The following ARHGAP42 variants were observed in gnomAD, a reference collection of about 807,000 sequenced individuals.
The protein encoded by ARHGAP42 is Rho GTPase activating protein 42.
Under a neutral mutation model 125.0 loss-of-function variants are expected in ARHGAP42, and 63 were observed. The observed-to-expected ratio is 0.50, with a 90% CI of 0.41 to 0.62. The LOEUF is 0.62. ARHGAP42 is among the 20% of genes least tolerant of loss of function. ARHGAP42 has a pLI of 0.00. For synonymous variants in ARHGAP42, 339 were observed against 351.0 expected, an observed-to-expected ratio of 0.97 and a Z score of 0.38; for missense variants, 766 against 1,024.2, an observed-to-expected ratio of 0.75 and a Z score of 3.44.
intron 3 of ARHGAP42, among the ~76,000 whole-genome samples, chr11:100,856,671 A>C (rs983541858): frequency 2.6e-5 from 4 of 152,114 alleles, no homozygotes; most frequent in African/African-American, 9.7e-5. Flanking sequence ...CCTCTGGATA[A>C]GTTCTGTTAT....
intron 4 of ARHGAP42, among the ~76,000 whole-genome samples, chr11:100,861,151 C>T (rs994546410): frequency 2.6e-5 from 4 of 151,802 alleles, no homozygotes; most frequent in Admixed American, 6.6e-5. Flanking sequence ...TAGAGACCTA[C>T]GTCATGAGGA....
At chr11:100,751,627 G>A (rs1862459984) in intron 1 of ARHGAP42, among the ~76,000 whole-genome samples, 1 of 151,816 alleles carries the variant, frequency 6.6e-6, no homozygotes, top group Non-Finnish European at 1.5e-5. Context: ...GGTAGCAGCT[G>A]GGAAAGCCCT....
chr11:100,787,645 A>G (rs564408151), intron 2 of ARHGAP42, among the ~76,000 whole-genome samples: 1 of 152,304 alleles, frequency 6.6e-6, no homozygotes, highest in Admixed American at 6.5e-5. Context: ...AGATTAAAGT[A>G]TAGCACAGAT....
chr11:100,755,010 G>C (rs1322719392), intron 1 of ARHGAP42, among the ~76,000 whole-genome samples: 1 of 152,226 alleles, frequency 6.6e-6, no homozygotes, highest in Non-Finnish European at 1.5e-5. Context: ...CTAGCTAAGT[G>C]CCTTTAAATA....
At chr11:100,836,725 G>GT (rs1565234966) in intron 3 of ARHGAP42, among the ~76,000 whole-genome samples, 53 of 100,844 alleles carry the variant, frequency 5.3e-4, no homozygotes, top group East Asian at 1.5e-3. Context: ...TTTTGTTGTT[G>GT]TTTTCTTTTT....
In ARHGAP42 at chr11:100,792,752, C is replaced by CT. The variant is rs3063409; in HGVS notation, c.251-2335dup. Among the ~76,000 whole-genome samples, 1,278 of 141,530 alleles carry CT rather than the reference C, an allele frequency of 9.0e-3. 18 individuals carry two copies. Among genetic ancestry groups the CT allele is most frequent in the African/African-American group, 0.022 (817 of 36,782 alleles). 92.8% of individuals were successfully genotyped at this position (141,530 alleles called of 152,430 possible). On this transcript the variant is annotated intron_variant, in intron 2 of 23. Transcript: ENST00000298815. ...GAATTAACAATTGACTTGGAATTTT[C>CT]TTTTTTTTTTTTTTTTTTGAGACCG...
intron 3 of ARHGAP42, among the ~76,000 whole-genome samples, chr11:100,817,087 T>G (rs1864283679): frequency 6.6e-6 from 1 of 152,182 alleles, no homozygotes. Context: ...CGGAATACAA[T>G]TCATTTCCAG....
chr11:100,753,391 C>T (rs1169832187), intron 1 of ARHGAP42, among the ~76,000 whole-genome samples: 2 of 152,160 alleles, frequency 1.3e-5, no homozygotes, highest in Non-Finnish European at 2.9e-5. Flanking sequence ...TCATTCTTTT[C>T]CTTGGAGACA....
intron 19 of ARHGAP42, among the ~76,000 whole-genome samples, chr11:100,974,823 C>G (rs980761677): frequency 2.6e-5 from 4 of 151,928 alleles, no homozygotes. Flanking sequence ...AAAAAGGGCT[C>G]AAGGCCCTTT....
chr11:100,954,810 G>T (rs1857762527), intron 12 of ARHGAP42, among the ~76,000 whole-genome samples: 1 of 152,114 alleles, frequency 6.6e-6, no homozygotes. Flanking sequence ...TCCTTAAGGA[G>T]CAGAGAAAAG....
At chr11:100,950,554 A>T (rs1430592941) in intron 12 of ARHGAP42, among the ~76,000 whole-genome samples, 1 of 151,572 alleles carries the variant, frequency 6.6e-6, no homozygotes, top group Non-Finnish European at 1.5e-5. Flanking sequence ...AGATGTTTTT[A>T]CTGTATTATT....
intron 6 of ARHGAP42, among the ~76,000 whole-genome samples, chr11:100,932,102 A>C (rs1320461553): frequency 2.0e-5 from 3 of 152,198 alleles, no homozygotes; most frequent in African/African-American, 4.8e-5. Context: ...TGTAGGAAGA[A>C]AAGCATGAGG....
At chr11:100,840,973 A>C (rs115913465) in intron 3 of ARHGAP42, among the ~76,000 whole-genome samples, 362 of 152,264 alleles carry the variant, frequency 2.4e-3, no homozygotes, top group African/African-American at 8.1e-3. Flanking sequence ...TAGCTATGAT[A>C]ATTCTCAATG....
intron 4 of ARHGAP42, among the ~76,000 whole-genome samples, chr11:100,880,508 A>G (rs1255016136): frequency 6.6e-6 from 1 of 152,094 alleles, no homozygotes; most frequent in East Asian, 1.9e-4. Context: ...ATTGATGGGC[A>G]TTTGGGTTGG....
intron 1 of ARHGAP42, among the ~76,000 whole-genome samples, chr11:100,760,106 AG>A (rs1426247669): frequency 6.6e-6 from 1 of 152,220 alleles, no homozygotes; most frequent in Non-Finnish European, 1.5e-5. Flanking sequence ...CTTGCAGACC[AG>A]ATCTTGGTAT....
chr11:100,770,836 C>T (rs1862957609), intron 2 of ARHGAP42, among the ~76,000 whole-genome samples: 1 of 152,218 alleles, frequency 6.6e-6, no homozygotes, highest in South Asian at 2.1e-4. Flanking sequence ...GCCTCGACCT[C>T]CCAAAGTGTT....
chr11:100,727,702 TG>T (rs973505347), intron 1 of ARHGAP42, among the ~76,000 whole-genome samples: 4 of 152,142 alleles, frequency 2.6e-5, no homozygotes, highest in African/African-American at 9.7e-5. Context: ...GACAGAAGCT[TG>T]GGACTCTTCT....
chr11:100,977,098 CA>C (rs3216738), intron 21 of ARHGAP42, 127 bp downstream of exon 21: 297,285 of 1,061,248 alleles, frequency 0.28, 50,670 homozygotes, highest in East Asian at 0.74. Flanking sequence ...AGAGTGGGTA[CA>C]GTCCACTTCT....
chr11:100,919,439 C>T (rs1260817915), intron 5 of ARHGAP42, among the ~76,000 whole-genome samples: 1 of 152,050 alleles, frequency 6.6e-6, no homozygotes, highest in African/African-American at 2.4e-5. Context: ...GCAGTCAGGC[C>T]TGCTGTGCTA....
Sources: gnomAD v4.1 joint callset for allele counts (sites outside exome capture counted in the v4.1 genomes callset) on GRCh38, gnomAD v4.1.1 for gene constraint, MANE v1.5 for transcripts, NCBI Gene and HGNC (gene_info 2026-07-23, HGNC 2026-07-21) for gene names.